Variants in GHR observed in about 807,000 individuals in gnomAD.
GHR encodes growth hormone receptor.
Under a neutral mutation model 67.1 loss-of-function variants are expected in GHR, and 35 were observed. The ratio of observed to expected loss-of-function variants is 0.52; its 90% CI spans 0.40 to 0.69. The LOEUF is 0.69. Among genes scored for constraint, GHR ranks in the 30% least tolerant of loss-of-function variants. The pLI is 0.00. For missense variants in GHR, 792 were observed against 764.6 expected (o/e 1.04, Z -0.42); for synonymous variants, 272 against 269.1 (o/e 1.01, Z -0.10).
intron 1 of GHR, among the ~76,000 whole-genome samples, chr5:42,529,794 G>C (rs1747876258): frequency 6.6e-6 from 1 of 152,004 alleles, no homozygotes; most frequent in South Asian, 2.1e-4. Context: ...TTTCCAACCT[G>C]AAAATAGAGG....
At chr5:42,427,137 A>G (rs533518191) in intron 1 of GHR, among the ~76,000 whole-genome samples, 5 of 152,292 alleles carry the variant, frequency 3.3e-5, no homozygotes, top group African/African-American at 9.6e-5. Flanking sequence ...TTTTTCATCC[A>G]CTATAGGGTT....
At chr5:42,514,323 A>G (rs1441418956) in intron 1 of GHR, 9 of 963,156 alleles carry the variant, frequency 9.3e-6, no homozygotes, top group Non-Finnish European at 1.1e-5. Flanking sequence ...TTCACACTTC[A>G]CCCCTTGTTG....
chr5:42,522,030 G>A (rs909302106), intron 1 of GHR, among the ~76,000 whole-genome samples: 3 of 152,068 alleles, frequency 2.0e-5, no homozygotes, highest in Non-Finnish European at 4.4e-5. Context: ...TTTTATGAAG[G>A]GAGAACAGAT....
chr5:42,468,669 T>A, intron 1 of GHR: 1 of 1,014,620 alleles, frequency 9.9e-7, no homozygotes, highest in Non-Finnish European at 1.6e-6. Flanking sequence ...AGCTAGCTAT[T>A]TGCCTGCCGC....
chr5:42,517,172 A>T, intron 1 of GHR, among the ~76,000 whole-genome samples: 1 of 152,140 alleles, frequency 6.6e-6, no homozygotes, highest in East Asian at 1.9e-4. Flanking sequence ...TAAGAATGAC[A>T]TTTACTGTGA....
At chr5:42,434,071 A>G (rs891613498) in intron 1 of GHR, among the ~76,000 whole-genome samples, 14 of 152,110 alleles carry the variant, frequency 9.2e-5, no homozygotes, top group Non-Finnish European at 1.6e-4. Context: ...CTTCTTTCTT[A>G]AACAATGTTC....
intron 1 of GHR, among the ~76,000 whole-genome samples, chr5:42,540,784 C>T (rs1035362491): frequency 6.6e-6 from 1 of 152,108 alleles, no homozygotes; most frequent in Non-Finnish European, 1.5e-5. Context: ...CATGATCAAC[C>T]CATGCCCATG....
intron 1 of GHR, among the ~76,000 whole-genome samples, chr5:42,481,387 A>T (rs1156238834): frequency 6.6e-6 from 1 of 151,986 alleles, no homozygotes; most frequent in Non-Finnish European, 1.5e-5. Context: ...CTTCTCGAGG[A>T]GTATCTTTAT....
chr5:42,683,659 A>AG (rs35329717), intron 3 of GHR, among the ~76,000 whole-genome samples: 32,795 of 152,094 alleles, frequency 0.22, 4,502 homozygotes, highest in Admixed American at 0.35. Flanking sequence ...CCGGAAAGAG[A>AG]GAAGGAGGGT....
At chr5:42,614,049 G>A (rs1753017428) in intron 2 of GHR, among the ~76,000 whole-genome samples, 1 of 152,038 alleles carries the variant, frequency 6.6e-6, no homozygotes, top group African/African-American at 2.4e-5. Context: ...ACCGAATGCT[G>A]GCCTTTCACT....
At chr5:42,676,595 A>G (rs1175860162) in intron 3 of GHR, among the ~76,000 whole-genome samples, 1 of 152,222 alleles carries the variant, frequency 6.6e-6, no homozygotes, top group Non-Finnish European at 1.5e-5. Context: ...GGTTAAAAAA[A>G]AAGTCTACCA....
intron 1 of GHR, among the ~76,000 whole-genome samples, chr5:42,512,213 G>A (rs1747047614): frequency 6.6e-6 from 1 of 152,122 alleles, no homozygotes; most frequent in South Asian, 2.1e-4. Flanking sequence ...CTTCACAAGG[G>A]TGCTGATGAA....
At chr5:42,603,263 T>C (rs1056870144) in intron 2 of GHR, among the ~76,000 whole-genome samples, 1 of 152,160 alleles carries the variant, frequency 6.6e-6, no homozygotes, top group African/African-American at 2.4e-5. Flanking sequence ...AGCAAGTCAC[T>C]TCTCTCTTGC....
intron 1 of GHR, chr5:42,514,725 T>G (rs954924698): frequency 5.9e-5 from 9 of 152,102 alleles, no homozygotes; most frequent in African/African-American, 2.2e-4. Context: ...GAGAGGAGGA[T>G]AGAAAGAAAA....
intron 2 of GHR, among the ~76,000 whole-genome samples, chr5:42,583,859 A>G (rs1255675927): frequency 6.7e-6 from 1 of 149,476 alleles, no homozygotes; most frequent in East Asian, 1.9e-4. Flanking sequence ...AAATAAAGAT[A>G]TATATATCTT....
At chr5:42,688,077 G>A (rs72754977) in intron 3 of GHR, among the ~76,000 whole-genome samples, 5,557 of 152,280 alleles carry the variant, frequency 0.036, 132 homozygotes, top group Non-Finnish European at 0.057. Context: ...TGTTTAGAGT[G>A]GGCATCTATT....
At chr5:42,708,408 A>G (rs1285503713) in intron 6 of GHR, among the ~76,000 whole-genome samples, 1 of 151,914 alleles carries the variant, frequency 6.6e-6, no homozygotes, top group African/African-American at 2.4e-5. Context: ...CACTCTTCTC[A>G]CTCTCTTTTT....
intron 1 of GHR, among the ~76,000 whole-genome samples, chr5:42,426,857 G>A (rs751151400): frequency 6.6e-6 from 1 of 152,030 alleles, no homozygotes; most frequent in Admixed American, 6.6e-5. Flanking sequence ...GTAATTATCT[G>A]GTGCATGAAC....
intron 1 of GHR, among the ~76,000 whole-genome samples, chr5:42,529,610 AT>A (rs1241314732): frequency 6.6e-6 from 1 of 152,166 alleles, no homozygotes; most frequent in Admixed American, 6.5e-5. Flanking sequence ...AACGGCCTAT[AT>A]AAAAAGTAGA....
Sources: gnomAD v4.1 joint callset for allele counts (sites outside exome capture counted in the v4.1 genomes callset) on GRCh38, gnomAD v4.1.1 for gene constraint, MANE v1.5 for transcripts, NCBI Gene and HGNC (gene_info 2026-07-23, HGNC 2026-07-21) for gene names.